Variants in SHISA9 observed in about 807,000 individuals in gnomAD.
SHISA9 encodes the protein shisa family member 9.
In SHISA9, 13 loss-of-function variants were observed where a neutral mutation model predicts 38.0. That is an observed-to-expected ratio of 0.34 (90% CI 0.22 to 0.54). The LOEUF (loss-of-function observed/expected upper bound fraction) is 0.54, where lower values mean the gene tolerates loss of function less well. Ranked by LOEUF, SHISA9 falls within the 20% of genes least tolerant of loss-of-function variation. The probability of loss-of-function intolerance (pLI) is 0.91; values close to 1 mark genes in which losing one functional copy is unlikely to be tolerated. For synonymous variants in SHISA9, 275 were observed against 242.0 expected (o/e 1.14, Z -1.27); for missense variants, 538 against 575.8 (o/e 0.93, Z 0.67).
At chr16:13,399,019 G>A in the SHISA9 span, among the ~76,000 whole-genome samples, 1,454 of 152,238 alleles carry the variant, frequency 9.6e-3, 23 homozygotes, top group African/African-American at 0.033. Flanking sequence ...ACTTTAGGAG[G>A]CTGAGGCAGG....
the SHISA9 span, among the ~76,000 whole-genome samples, chr16:13,298,202 C>G: frequency 3.3e-5 from 5 of 152,156 alleles, no homozygotes; most frequent in African/African-American, 1.2e-4. Flanking sequence ...ACTCATCAAC[C>G]TTCCTGGTCT....
chr16:13,029,674 C>T (rs1436372641), intron 2 of SHISA9, among the ~76,000 whole-genome samples: 4 of 152,204 alleles, frequency 2.6e-5, no homozygotes, highest in African/African-American at 4.8e-5. Context: ...GAGATCATTA[C>T]ATTAAGTGAA....
In SHISA9 at chr16:13,198,971, T is replaced by G. The variant is rs189274224; in HGVS notation, c.692-4423T>G. 1.6e-3 allele frequency among the ~76,000 whole-genome samples: 248 copies of G among 152,374 alleles called. 2 individuals carry two copies. The highest frequency in any genetic ancestry group is 5.6e-3 in the African/African-American group (235 of 41,600). On this transcript the variant is annotated intron_variant, in intron 2 of 4. Transcript: ENST00000558583. ...CCCTGAGGTGTCTCAGGACTTGGGATAAATAATCTAAAAGCAAATACTTTA... is the reference window on the plus strand; with the variant it reads ...CCCTGAGGTGTCTCAGGACTTGGGAGAAATAATCTAAAAGCAAATACTTTA...
At chr16:13,105,200 C>G (rs1478877558) in intron 2 of SHISA9, among the ~76,000 whole-genome samples, 1 of 152,182 alleles carries the variant, frequency 6.6e-6, no homozygotes, top group Non-Finnish European at 1.5e-5. Context: ...ATATTATTAA[C>G]ATTTTGAAAT....
In SHISA9 at chr16:13,096,320, G is replaced by A. The variant is rs947874555; in HGVS notation, c.692-107074G>A. ...ACCCTTAGGTAGCTCATTTACCCAAGCCTTGCGACACAGAATGCAGAGACA... is the reference window on the plus strand; with the variant it reads ...ACCCTTAGGTAGCTCATTTACCCAAACCTTGCGACACAGAATGCAGAGACA... On this transcript the variant is annotated intron_variant, in intron 2 of 4. Coordinates refer to ENST00000558583, the MANE Select transcript of SHISA9 (RefSeq NM_001145204.3). Among the ~76,000 whole-genome samples, 7 of 152,260 alleles carry A rather than the reference G, an allele frequency of 4.6e-5. No homozygotes were observed. The East Asian group carries it at 1.4e-3, about 29-fold the overall frequency.
At chr16:13,151,270 C>G (rs1173707834) in intron 2 of SHISA9, among the ~76,000 whole-genome samples, 1 of 152,124 alleles carries the variant, frequency 6.6e-6, no homozygotes, top group African/African-American at 2.4e-5. Context: ...CCACACCTGG[C>G]TAATTTTTGT....
the SHISA9 span, among the ~76,000 whole-genome samples, chr16:13,489,614 C>G: frequency 2.6e-5 from 4 of 152,096 alleles, no homozygotes; most frequent in Non-Finnish European, 5.9e-5. Context: ...AGTGGTTTCC[C>G]CTTTCACTTG....
Position 12,944,614 on chromosome 16 carries a change from G to T in SHISA9, c.691+27799G>T, listed in dbSNP as rs577986437. On this transcript the variant is annotated intron_variant, in intron 2 of 4. Coordinates refer to ENST00000558583, the MANE Select transcript of SHISA9 (RefSeq NM_001145204.3). ...AGGCATAGAGGTTTGAAGGACTTTG[G>T]GAAGGTAGCGTTCCATGAAATGACC... Among the ~76,000 whole-genome samples the T allele has an allele frequency of 7.2e-5, 11 of 152,272 alleles. No individual in the cohort carries two copies. In the South Asian group the frequency reaches 2.1e-3, roughly 29 times the overall value.
At chr16:13,028,738 T>G (rs1486985379) in intron 2 of SHISA9, among the ~76,000 whole-genome samples, 1 of 152,176 alleles carries the variant, frequency 6.6e-6, no homozygotes, top group Non-Finnish European at 1.5e-5. Flanking sequence ...GAGAAGAGCT[T>G]CTTCCTATAG....
chr16:13,224,476 C>G (rs767323040), intron 4 of SHISA9, among the ~76,000 whole-genome samples: 1 of 152,168 alleles, frequency 6.6e-6, no homozygotes, highest in Non-Finnish European at 1.5e-5. Context: ...ATATCCTGCC[C>G]ATTTCTCATA....
the SHISA9 span, among the ~76,000 whole-genome samples, chr16:13,289,964 A>C: frequency 1.3e-5 from 2 of 152,222 alleles, no homozygotes. Context: ...TAATTTGAGA[A>C]TATAGGGTTA....
intron 2 of SHISA9, among the ~76,000 whole-genome samples, chr16:13,106,737 A>G (rs75463665): frequency 6.7e-6 from 1 of 150,346 alleles, no homozygotes; most frequent in African/African-American, 2.5e-5. Flanking sequence ...CTTTGGCTAG[A>G]AAAAAAAAAT....
intron 2 of SHISA9, among the ~76,000 whole-genome samples, chr16:13,078,881 C>T (rs2073614850): frequency 6.6e-6 from 1 of 152,164 alleles, no homozygotes; most frequent in Non-Finnish European, 1.5e-5. Context: ...TGCTCACAGT[C>T]TTCAAAAGTA....
At chr16:12,911,272 C>T (rs1370951495) in intron 1 of SHISA9, 7 of 985,302 alleles carry the variant, frequency 7.1e-6, no homozygotes, top group Admixed American at 6.1e-5. Flanking sequence ...ATCTGAGAAG[C>T]ACTCAAACTA....
At chr16:13,155,716 C>A (rs559999402) in intron 2 of SHISA9, among the ~76,000 whole-genome samples, 1 of 152,076 alleles carries the variant, frequency 6.6e-6, no homozygotes, top group Non-Finnish European at 1.5e-5. Context: ...CTGGGGGAAA[C>A]GTGGCTGGGG....
the SHISA9 span, among the ~76,000 whole-genome samples, chr16:13,516,158 T>A: frequency 1.3e-5 from 2 of 152,174 alleles, no homozygotes; most frequent in Admixed American, 6.5e-5. Flanking sequence ...TCAACCCAGA[T>A]AAACCACAGA....
At chr16:13,477,170 G>A in the SHISA9 span, among the ~76,000 whole-genome samples, 2 of 152,150 alleles carry the variant, frequency 1.3e-5, no homozygotes, top group African/African-American at 4.8e-5. Context: ...TAAAAAATGA[G>A]TAATAGATCT....
chr16:13,284,710 G>A, the SHISA9 span, among the ~76,000 whole-genome samples: 1 of 152,154 alleles, frequency 6.6e-6, no homozygotes, highest in Admixed American at 6.5e-5. Context: ...CTGTTCTTGT[G>A]CCTCAGTCTC....
intron 1 of SHISA9, among the ~76,000 whole-genome samples, chr16:12,915,777 G>A (rs561120957): frequency 4.9e-4 from 75 of 152,294 alleles, no homozygotes; most frequent in African/African-American, 1.7e-3. Flanking sequence ...AGGAAGAAAC[G>A]GAATGAGGTT....
Sources: gnomAD v4.1 joint callset for allele counts (sites outside exome capture counted in the v4.1 genomes callset) on GRCh38, gnomAD v4.1.1 for gene constraint, MANE v1.5 for transcripts, NCBI Gene and HGNC (gene_info 2026-07-23, HGNC 2026-07-21) for gene names.